ARMC3: variants seen among roughly 807,000 people sequenced by gnomAD.
The protein encoded by ARMC3 is armadillo repeat containing 3.
ARMC3 carries 74 observed loss-of-function variants against 90.3 expected under a neutral mutation model. The ratio of observed to expected loss-of-function variants is 0.82; its 90% confidence interval spans 0.68 to 0.99. ARMC3 has a LOEUF of 0.99. Ranked by LOEUF, ARMC3 falls within the 50% of genes least tolerant of loss-of-function variation. ARMC3 has a pLI of 0.00. For synonymous variants in ARMC3, 334 were observed against 361.8 expected (o/e 0.92, Z 0.87); for missense variants, 958 against 1,042.8 (o/e 0.92, Z 1.12).
chr10:23,024,775 G>A (rs1838651189), intron 16 of ARMC3, among the ~76,000 whole-genome samples: 1 of 152,094 alleles, frequency 6.6e-6, no homozygotes, highest in Non-Finnish European at 1.5e-5. Flanking sequence ...GAAGAGCAGA[G>A]GAATAAAAAC....
At chr10:23,018,879 C>A (rs898895355) in intron 16 of ARMC3, among the ~76,000 whole-genome samples, 2 of 152,162 alleles carry the variant, frequency 1.3e-5, no homozygotes, top group African/African-American at 4.8e-5. Flanking sequence ...TAGGCTGCAT[C>A]CTGGCACAGC....
chr10:23,025,422 T>A (rs1212821711), intron 16 of ARMC3, among the ~76,000 whole-genome samples: 2 of 152,060 alleles, frequency 1.3e-5, no homozygotes, highest in African/African-American at 4.8e-5. Flanking sequence ...TAAATCAGAT[T>A]ATAAATTAAT....
At chr10:22,974,654 T>C (rs946623085) in intron 8 of ARMC3, among the ~76,000 whole-genome samples, 4 of 152,078 alleles carry the variant, frequency 2.6e-5, no homozygotes, top group African/African-American at 9.7e-5. Context: ...GTTTGTTTGT[T>C]TGTTTTGAGA....
intron 8 of ARMC3, among the ~76,000 whole-genome samples, chr10:22,973,753 CTTTTTTTTTTTT>C (rs56405413): frequency 8.8e-5 from 7 of 79,926 alleles, no homozygotes; most frequent in East Asian, 3.4e-4. Flanking sequence ...CTTTGTCTTT[CTTTTTTTTTTTT>C]TTTTTTTTTT....
chr10:23,009,610 T>G (rs1411329642), intron 16 of ARMC3, among the ~76,000 whole-genome samples: 1 of 152,234 alleles, frequency 6.6e-6, no homozygotes, highest in East Asian at 1.9e-4. Context: ...GCAATTCTCC[T>G]GCTTCAACCT....
At chr10:22,958,141 G>A (rs969865440) in intron 4 of ARMC3, among the ~76,000 whole-genome samples, 1 of 152,232 alleles carries the variant, frequency 6.6e-6, no homozygotes, top group East Asian at 1.9e-4. Flanking sequence ...ATATCTCAAA[G>A]CATTAGTTTA....
chr10:23,008,105 A>G (rs544605593), intron 14 of ARMC3, among the ~76,000 whole-genome samples, 171 bp from the exon 15 acceptor site: 40 of 152,332 alleles, frequency 2.6e-4, no homozygotes, highest in Admixed American at 2.4e-3. Context: ...TCCTGTCTCA[A>G]AAAACAAACA....
intron 16 of ARMC3, among the ~76,000 whole-genome samples, chr10:23,027,497 C>G (rs1045221743): frequency 1.3e-5 from 2 of 151,948 alleles, no homozygotes; most frequent in African/African-American, 4.8e-5. Context: ...ATATCCTGAC[C>G]CTTCGATGAA....
intron 1 of ARMC3, among the ~76,000 whole-genome samples, chr10:22,931,206 C>T (rs1422836280): frequency 2.0e-5 from 3 of 152,122 alleles, no homozygotes; most frequent in Non-Finnish European, 4.4e-5. Flanking sequence ...GGATTACAGG[C>T]GTGAGCCACC....
intron 16 of ARMC3, among the ~76,000 whole-genome samples, chr10:23,024,116 G>A (rs933604317): frequency 3.3e-5 from 5 of 152,208 alleles, no homozygotes; most frequent in African/African-American, 9.6e-5. Flanking sequence ...GGAAAACATC[G>A]ACTCAAGTGA....
chr10:23,004,983 G>A (rs139151240), intron 13 of ARMC3, among the ~76,000 whole-genome samples: 1,647 of 88,674 alleles, frequency 0.019, 28 homozygotes, highest in African/African-American at 0.077. Context: ...TTGGGAGGCC[G>A]AGGTGGGCGG....
intron 8 of ARMC3, among the ~76,000 whole-genome samples, chr10:22,974,194 G>T (rs967640116): frequency 2.0e-5 from 3 of 151,880 alleles, no homozygotes; most frequent in Non-Finnish European, 2.9e-5. Context: ...TATCAAACAT[G>T]GTCTTGGCAG....
intron 18 of ARMC3, among the ~76,000 whole-genome samples, chr10:23,035,960 A>G (rs1189739186): frequency 6.6e-6 from 1 of 152,146 alleles, no homozygotes; most frequent in African/African-American, 2.4e-5. Flanking sequence ...AGCAGCAGTT[A>G]TTACCCTGAC....
rs1357724111 is a variant in ARMC3, at chr10:22,951,664, A to G, written c.167-4143A>G. On this transcript the variant is annotated intron_variant, in intron 3 of 18. Transcript: ENST00000298032. ...TAGAAAATAAATAACATACTTTTAA[A>G]TGACTCATGAATCAAAGAAGAAATC... is the stretch of plus-strand genomic sequence containing the variant. Among the ~76,000 whole-genome samples, 3 of 152,234 alleles carry G rather than the reference A, an allele frequency of 2.0e-5. No individual in the cohort carries two copies. The East Asian group carries it at 5.8e-4, about 29-fold the overall frequency.
chr10:23,002,188 A>C (rs1837329686), intron 12 of ARMC3, 133 bp downstream of exon 12: 1 of 1,326,768 alleles, frequency 7.5e-7, no homozygotes, highest in Non-Finnish European at 9.9e-7. Context: ...GCATGTCCCC[A>C]GGGCGGGCCT....
chr10:23,033,075 T>C (rs1484832592), intron 18 of ARMC3, 52 bp downstream of exon 18: 6 of 1,577,772 alleles, frequency 3.8e-6, no homozygotes, highest in Non-Finnish European at 5.2e-6. Context: ...GCTTTGTCTT[T>C]ATCATACTGG....
chr10:23,033,544 T>C (rs1373297906), intron 18 of ARMC3, among the ~76,000 whole-genome samples: 1 of 152,184 alleles, frequency 6.6e-6, no homozygotes, highest in Admixed American at 6.5e-5. Flanking sequence ...GTGATCTATC[T>C]GAGGAAGGGT....
intron 2 of ARMC3, among the ~76,000 whole-genome samples, chr10:22,944,396 C>T (rs1211349289): frequency 6.6e-6 from 1 of 152,138 alleles, no homozygotes; most frequent in Non-Finnish European, 1.5e-5. Flanking sequence ...TTTGCATATC[C>T]TCCCTTCTCA....
chr10:22,993,922 A>G (rs1211264205), intron 10 of ARMC3, among the ~76,000 whole-genome samples: 1 of 152,246 alleles, frequency 6.6e-6, no homozygotes, highest in Non-Finnish European at 1.5e-5. Flanking sequence ...TGATGTTCTT[A>G]GCATCCTTTC....
Sources: allele counts gnomAD v4.1 joint callset (sites outside exome capture counted in the v4.1 genomes callset), GRCh38; gene constraint gnomAD v4.1.1; transcripts MANE v1.5; gene names NCBI Gene and HGNC (gene_info 2026-07-23, HGNC 2026-07-21).